Variants in TAF6L observed in about 807,000 individuals in gnomAD.
TAF6L encodes the protein TATA-box binding protein associated factor 6 like, also known as TAF6-like RNA polymerase II p300/CBP-associated factor-associated factor 65 kDa subunit 6L.
A neutral mutation model predicts 57.3 loss-of-function variants in TAF6L; 34 were observed. That is an observed-to-expected ratio of 0.59 (90% CI 0.45 to 0.79). TAF6L has a LOEUF of 0.79. TAF6L is among the 30% of genes least tolerant of loss of function. The probability of loss-of-function intolerance (pLI) is 0.00; values close to 1 mark genes in which losing one functional copy is unlikely to be tolerated. For missense variants in TAF6L, 782 were observed against 853.2 expected, an observed-to-expected ratio of 0.92 and a Z score of 1.04; for synonymous variants, 417 against 376.3, an observed-to-expected ratio of 1.11 and a Z score of -1.25.
At chr11:62,783,077 G>A (rs1277784794) in intron 9 of TAF6L, among the ~76,000 whole-genome samples, 1 of 152,168 alleles carries the variant, frequency 6.6e-6, no homozygotes, top group Non-Finnish European at 1.5e-5. Context: ...ATCACATTAA[G>A]AAATACCTTC....
rs762132313 is a variant in TAF6L at position 62,778,832 on chromosome 11, C to T, written c.437-37C>T. On this transcript the variant is annotated intron_variant, in intron 5 of 10. Transcript: ENST00000294168. The stretch of plus-strand genomic sequence containing the variant: ...TGGAGAGGCCAGGAGAGGGCCAGCT[C>T]TCCACCTGTCCCTGCTTCCTGCCTG... 3 of 1,573,640 alleles carry T rather than the reference C, an allele frequency of 1.9e-6. No homozygotes were observed. The East Asian group carries it at 6.7e-5, about 35-fold the overall frequency.
Position 62,775,899 on chromosome 11 carries a change from A to C in TAF6L, c.116A>C (p.Asp39Ala). The change falls in exon 2 of 11, where the codon GAC becomes GCC. Residue 39 changes from aspartate (D) to alanine (A), a missense_variant. Asp to Ala is a moderately radical substitution (Grantham distance 126). Around this residue, in one of 3 missense-constraint regions of TAF6L, gnomAD observed 220 missense variants for 252.1 expected, o/e 0.87. Coordinates refer to ENST00000294168, the MANE Select transcript of TAF6L (RefSeq NM_006473.4). ...SDEVAALLAE[D>A]VCYRLREATQ... The stretch of plus-strand genomic sequence containing the variant: ...GAGGTGGCGGCGCTGCTCGCAGAGG[A>C]CGTGTGCTATCGTCTGAGAGAGGCC... 1 of 1,613,720 alleles carries C rather than the reference A, an allele frequency of 6.2e-7. No homozygotes were observed. The highest frequency in any genetic ancestry group is 1.1e-5 in the South Asian group (1 of 91,060).
chr11:62,772,462 G>A (rs1565185473), intron 1 of TAF6L, among the ~76,000 whole-genome samples: 1 of 151,196 alleles, frequency 6.6e-6, no homozygotes, highest in Admixed American at 6.6e-5. Context: ...GGCAGAGGTT[G>A]TAGTGAGCCG....
rs369063031 is a variant in TAF6L, at chr11:62,786,391, G to A, written c.1089+3G>A. ...ACAAAGTCTATGGAGCCATTCTGGT[G>A]AGTACCGTCCCCTTCCAGCCTCCCT... On this transcript the variant is annotated splice_donor_region_variant and intron_variant, in intron 10 of 10. Coordinates refer to ENST00000294168, the MANE Select transcript of TAF6L (RefSeq NM_006473.4). 1.1e-5 allele frequency: 18 copies of A among 1,613,118 alleles called. No individual in the cohort carries two copies. Among genetic ancestry groups the A allele is most frequent in the Non-Finnish European group, 1.4e-5 (17 of 1,179,228 alleles).
At chr11:62,777,795 C>T (rs554828925) in intron 3 of TAF6L, among the ~76,000 whole-genome samples, 183 bp from the exon 4 acceptor site, 2 of 152,268 alleles carry the variant, frequency 1.3e-5, no homozygotes, top group Non-Finnish European at 2.9e-5. Flanking sequence ...CCAGGGAGCC[C>T]CGGATGCTCC....
rs1225393355 is a variant in TAF6L, at chr11:62,782,319, C to G, written c.813C>G (p.Leu271=). ...WTLRDGAALL[L]SHIFWTHGDL... ...TGCGGGATGGGGCTGCCCTCCTGCT[C>G]AGCCACATCTTCTGGTAGCCACTGG... is the stretch of plus-strand genomic sequence containing the variant. Residue 271 remains leucine (L), a synonymous_variant, in exon 8 of 11, where the codon CTC becomes CTG. Coordinates refer to ENST00000294168, the MANE Select transcript of TAF6L (RefSeq NM_006473.4). The G allele has an allele frequency of 6.2e-7, 1 of 1,613,668 alleles. No individual in the cohort carries two copies. Among genetic ancestry groups the G allele is most frequent in the East Asian group, 2.2e-5 (1 of 44,880 alleles).
intron 9 of TAF6L, among the ~76,000 whole-genome samples, chr11:62,783,226 T>A (rs1590937173): frequency 1.3e-5 from 2 of 152,188 alleles, no homozygotes; most frequent in East Asian, 3.9e-4. Flanking sequence ...CTCACGCCTG[T>A]AATCCCAGCA....
chr11:62,787,170 C>G lies in TAF6L; in HGVS notation c.1743C>G (p.Ala581=). 2 of 1,583,600 alleles carry G rather than the reference C, an allele frequency of 1.3e-6. No individual in the cohort carries two copies. Among genetic ancestry groups the G allele is most frequent in the African/African-American group, 1.4e-5 (1 of 73,368 alleles). ...GCCGCGGGCGCCTTTTCCAGACTGC[C>G]TTCCCCGCGCCGTACGGGCCTAGCC... ...RRCRGRLFQT[A]FPAPYGPSPA... The change falls in exon 11 of 11, where the codon GCC becomes GCG. Residue 581 remains alanine (A), a synonymous_variant. Transcript: ENST00000294168.
At chr11:62,778,433 GT>G in intron 5 of TAF6L, 98 bp downstream of exon 5, 1 of 1,409,754 alleles carries the variant, frequency 7.1e-7, no homozygotes, top group Non-Finnish European at 9.9e-7. Context: ...TCTAACATGT[GT>G]TTACCCATGC....
intron 5 of TAF6L, 47 bp downstream of exon 5, chr11:62,778,382 T>G (rs746840412): frequency 6.2e-7 from 1 of 1,609,896 alleles, no homozygotes; most frequent in East Asian, 2.2e-5. Flanking sequence ...ATTTTCTCCC[T>G]TAGGTTCTGA....
rs754205351 is a variant in TAF6L at position 62,775,803 on chromosome 11, G to A, written c.20G>A (p.Arg7Gln). The A allele has an allele frequency of 6.8e-6, 11 of 1,610,448 alleles. No individual in the cohort carries two copies. The highest frequency in any genetic ancestry group is 1.7e-5 in the Admixed American group (1 of 59,920). MSEREE[R>Q]RFVEIPRESV... ...GGGGCCATGTCAGAGCGAGAAGAGC[G>A]GCGGTTTGTGGAGATCCCTCGGGAG... Residue 7 changes from arginine (R) to glutamine (Q), a missense_variant, in exon 2 of 11, where the codon CGG becomes CAG. Around this residue, in one of 3 missense-constraint regions of TAF6L, gnomAD observed 220 missense variants for 252.1 expected, o/e 0.87. Coordinates refer to ENST00000294168, the MANE Select transcript of TAF6L (RefSeq NM_006473.4).
rs2084231967 is a variant in TAF6L at position 62,781,830 on chromosome 11, A to T, written c.532-64A>T. ...AAGGTGATACACTGTCTTCCAGAAG[A>T]ATACCGCATTCATGTTTTACAATTT... On this transcript the variant is annotated intron_variant, in intron 6 of 10. Transcript: ENST00000294168. 3.0e-6 allele frequency: 4 copies of T among 1,350,246 alleles called. No homozygotes were observed. In the South Asian group the frequency reaches 3.5e-5, roughly 12 times the overall value. The allele number at this position is 1,350,246 out of a possible 1,614,324, so 83.6% of individuals were successfully genotyped here.
rs2084239705 is a variant in TAF6L at position 62,782,749 on chromosome 11, A to G, written c.884A>G (p.Lys295Arg). The part of the protein sequence containing the change: ...LYQHILLSLQ[K>R]ILADPVRPLC... ...CAGCATATCCTGCTATCCCTGCAGA[A>G]GATCCTGGCAGATCCTGTGCGGCCG... is the stretch of plus-strand genomic sequence containing the variant. Residue 295 changes from lysine to arginine, a missense_variant, in exon 9 of 11, where the codon AAG becomes AGG. By Grantham distance (26) the Lys-to-Arg change is conservative. Coordinates refer to ENST00000294168, the MANE Select transcript of TAF6L (RefSeq NM_006473.4). 1 of 1,612,808 alleles carries G rather than the reference A, an allele frequency of 6.2e-7. No individual in the cohort carries two copies. Among genetic ancestry groups the G allele is most frequent in the Non-Finnish European group, 8.5e-7 (1 of 1,180,034 alleles).
chr11:62,776,464 C>T lies in TAF6L; in HGVS notation c.228C>T (p.Ser76=), dbSNP rs776295470. 16 of 1,613,344 alleles carry T rather than the reference C, an allele frequency of 9.9e-6. No individual in the cohort carries two copies. Among genetic ancestry groups the T allele is most frequent in the Admixed American group, 1.7e-5 (1 of 59,968 alleles). Residue 76 remains serine, a synonymous_variant, in exon 3 of 11, where the codon AGC becomes AGT. Coordinates refer to ENST00000294168, the MANE Select transcript of TAF6L (RefSeq NM_006473.4). ...EDFNRALRWS[S]VEAVCGYGSQ... ...TCAACAGGGCCCTCAGATGGAGCAG[C>T]GTGGAGGTGAGTGGGGTGCAGGCTA... is the stretch of plus-strand genomic sequence containing the variant.
Position 62,782,295 on chromosome 11 carries a change from G to C in TAF6L, c.789G>C (p.Leu263=). The C allele has an allele frequency of 6.2e-7, 1 of 1,614,112 alleles. No individual in the cohort carries two copies. The highest frequency in any genetic ancestry group is 8.5e-7 in the Non-Finnish European group (1 of 1,180,038). Residue 263 remains leucine, a synonymous_variant, in exon 8 of 11, where the codon CTG becomes CTC. Transcript: ENST00000294168. Reference sequence around the variant, plus strand: ...ACCCCCTGAATGACCACTGGACTCTGCGGGATGGGGCTGCCCTCCTGCTCA... The same window carrying C: ...ACCCCCTGAATGACCACTGGACTCTCCGGGATGGGGCTGCCCTCCTGCTCA... ...SINPLNDHWT[L]RDGAALLLSH...
intron 6 of TAF6L, among the ~76,000 whole-genome samples, chr11:62,781,272 T>G (rs905700214): frequency 6.6e-6 from 1 of 151,562 alleles, no homozygotes; most frequent in African/African-American, 2.4e-5. Context: ...CTGAAAAGTC[T>G]ATTCCTCCAC....
intron 9 of TAF6L, among the ~76,000 whole-genome samples, chr11:62,783,258 G>A (rs1223961819): frequency 4.6e-5 from 7 of 152,220 alleles, no homozygotes; most frequent in East Asian, 1.9e-4. Context: ...TGAGGTGGGC[G>A]GATCACAAGG....
At chr11:62,776,094 A>G (rs927595817) in intron 2 of TAF6L, among the ~76,000 whole-genome samples, 164 bp downstream of exon 2, 1 of 152,250 alleles carries the variant, frequency 6.6e-6, no homozygotes, top group African/African-American at 2.4e-5. Context: ...CTGGGCTTCC[A>G]GCAGACAAAG....
In TAF6L at chr11:62,782,431, A is replaced by C. The variant is rs780059369; in HGVS notation, c.827+98A>C. ...AAGCCTCTGGCTTTGAGAGTCTATG[A>C]GAAGATGGGGAACCTTTTCCCTAGG... On this transcript the variant is annotated intron_variant, in intron 8 of 10. Transcript: ENST00000294168. 2.9e-4 allele frequency: 381 copies of C among 1,330,128 alleles called. 1 individual carries two copies. The highest frequency in any genetic ancestry group is 3.7e-4 in the Non-Finnish European group (355 of 969,086). The allele number at this position is 1,330,128 out of a possible 1,614,324, so 82.4% of individuals were successfully genotyped here. A position where few individuals can be genotyped will look rare whatever the true frequency, so the allele number is the denominator to read the frequency against.
Sources: allele counts gnomAD v4.1 joint callset (sites outside exome capture counted in the v4.1 genomes callset), GRCh38; gene constraint gnomAD v4.1.1; regional missense constraint gnomAD v4.1.1; transcripts MANE v1.5; gene names NCBI Gene and HGNC (gene_info 2026-07-23, HGNC 2026-07-21).